Variants in GATA3 observed in about 807,000 individuals in gnomAD.
GATA3 encodes GATA binding protein 3, also known as trans-acting T-cell-specific transcription factor GATA-3.
GATA3 carries 6 observed loss-of-function variants against 36.0 expected under a neutral mutation model. The observed-to-expected ratio is 0.17, with a 90% CI of 0.09 to 0.33. The LOEUF (loss-of-function observed/expected upper bound fraction) is 0.33. Among genes scored for constraint, GATA3 ranks in the 10% least tolerant of loss-of-function variants. GATA3 has a pLI of 1.00. For missense variants in GATA3, 514 were observed against 610.1 expected (o/e 0.84, Z 1.66); for synonymous variants, 326 against 273.0 (o/e 1.19, Z -1.92).
chr10:8,073,093 C>T (rs1030914838), intron 5 of GATA3, among the ~76,000 whole-genome samples: 4 of 146,056 alleles, frequency 2.7e-5, no homozygotes, highest in African/African-American at 7.6e-5. Flanking sequence ...TGCAGTGAGC[C>T]GAGATCGCGC....
At chr10:8,070,354 T>G (rs952510130) in intron 5 of GATA3, among the ~76,000 whole-genome samples, 1 of 152,002 alleles carries the variant, frequency 6.6e-6, no homozygotes, top group African/African-American at 2.4e-5. Context: ...TTTTGTAACA[T>G]ATCTTAATCT....
chr10:8,069,632 G>A (rs546031076), intron 5 of GATA3, 34 bp downstream of exon 5: 25 of 1,612,940 alleles, frequency 1.5e-5, no homozygotes, highest in South Asian at 4.4e-5. Flanking sequence ...AACAGGGCTC[G>A]CTTCCTGATG....
chr10:8,047,132 G>A (rs967303432), intron 1 of GATA3, among the ~76,000 whole-genome samples: 1 of 152,232 alleles, frequency 6.6e-6, no homozygotes, highest in Non-Finnish European at 1.5e-5. Flanking sequence ...GAGAAGGGAT[G>A]GGAGTGGGAA....
chr10:8,061,378 C>A (rs192742980), intron 3 of GATA3, among the ~76,000 whole-genome samples: 2 of 152,280 alleles, frequency 1.3e-5, no homozygotes, highest in East Asian at 3.9e-4. Flanking sequence ...CTCCCACAGC[C>A]TGGTTTAAGG....
chr10:8,049,376 C>T (rs1370933208), upstream of GATA3, among the ~76,000 whole-genome samples: 2 of 152,386 alleles, frequency 1.3e-5, no homozygotes, highest in Admixed American at 1.3e-4. Flanking sequence ...GCCAGCCTTG[C>T]TGGGCCGGGA....
chr10:8,067,284 G>A (rs1305522586), intron 4 of GATA3, among the ~76,000 whole-genome samples: 1 of 152,122 alleles, frequency 6.6e-6, no homozygotes, highest in Non-Finnish European at 1.5e-5. Flanking sequence ...CCTTATGATA[G>A]GCCAGGGCAG....
rs1564403605 is a variant in GATA3 at position 8,069,477 on chromosome 10, C to T, written c.929C>T (p.Ala310Val). ...CTCCTCTCTCCCCACTCTCAGTCTG[C>T]AGCCAGGAGAGCAGGGACGTCCTGT... is the stretch of plus-strand genomic sequence containing the variant. ...PLIKPKRRLS[A>V]ARRAGTSCAN... Residue 310 changes from alanine (A) to valine (V), a missense_variant, in exon 5 of 6, where the codon GCA becomes GTA. By Grantham distance (64) the Ala-to-Val change is moderately conservative. Transcript: ENST00000379328. 1 of 1,613,596 alleles carries T rather than the reference C, an allele frequency of 6.2e-7. No individual in the cohort carries two copies. The highest frequency in any genetic ancestry group is 8.5e-7 in the Non-Finnish European group (1 of 1,179,776).
intron 2 of GATA3, among the ~76,000 whole-genome samples, chr10:8,056,304 C>T (rs924216641): frequency 3.9e-5 from 6 of 152,218 alleles, no homozygotes; most frequent in Non-Finnish European, 5.9e-5. Flanking sequence ...CGGCTGGAAC[C>T]CGGCTCTTCC....
chr10:8,055,569 G>C lies in GATA3; in HGVS notation c.-87G>C, dbSNP rs2131481687. ...ACGACCCCCGACCCTCCGACGGCAG[G>C]AGCCCCCCGACCTCCCAGGCGGACC... On this transcript the variant is annotated 5_prime_UTR_variant, in exon 2 of 6. Coordinates refer to ENST00000379328, the MANE Select transcript of GATA3 (RefSeq NM_001002295.2). The surrounding 1 kb of genome is among the most constrained non-coding windows in gnomAD (Gnocchi z 5.4). 1 of 1,479,124 alleles carries C rather than the reference G, an allele frequency of 6.8e-7. No homozygotes were observed. Among genetic ancestry groups the C allele is most frequent in the South Asian group, 1.3e-5 (1 of 78,218 alleles). The allele number at this position is 1,479,124 out of a possible 1,614,324, so 91.6% of individuals were successfully genotyped here.
rs753158127 is a variant in GATA3 at position 8,064,051 on chromosome 10, C to T, written c.837C>T (p.Gly279=). ...ATSTPLWRRD[G]TGHYLCNACG... ...CGACCCCACTGTGGCGGCGAGATGG[C>T]ACGGGACACTACCTGTGCAACGCCT... The change falls in exon 4 of 6, where the codon GGC becomes GGT. Residue 279 remains glycine, a synonymous_variant. Transcript: ENST00000379328. 2 of 1,614,164 alleles carry T rather than the reference C, an allele frequency of 1.2e-6. No individual in the cohort carries two copies. The highest frequency in any genetic ancestry group is 1.7e-6 in the Non-Finnish European group (2 of 1,180,050).
chr10:8,051,162 G>GGA, upstream of GATA3: 1 of 475,434 alleles, frequency 2.1e-6, no homozygotes, highest in Admixed American at 2.3e-5. Flanking sequence ...GGGCGGGTGG[G>GGA]AGGGACTTGC....
At chr10:8,048,248 C>G (rs1002947524) in intron 1 of GATA3, among the ~76,000 whole-genome samples, 2 of 152,160 alleles carry the variant, frequency 1.3e-5, no homozygotes, top group African/African-American at 4.8e-5. Context: ...AGCTGGGTGG[C>G]TGTGAGGATG....
intron 1 of GATA3, among the ~76,000 whole-genome samples, chr10:8,046,993 C>G (rs1164252325): frequency 6.6e-6 from 1 of 152,112 alleles, no homozygotes; most frequent in Non-Finnish European, 1.5e-5. Flanking sequence ...TCTCTGCCAG[C>G]CCCAGCACTG....
intron 5 of GATA3, 51 bp downstream of exon 5, chr10:8,069,649 A>G (rs1321102751): frequency 1.2e-6 from 2 of 1,606,518 alleles, no homozygotes; most frequent in African/African-American, 1.3e-5. Flanking sequence ...GATGGTGACC[A>G]GCAAACAGCG....
At chr10:8,061,924 A>AG (rs34911251) in intron 3 of GATA3, among the ~76,000 whole-genome samples, 6 of 152,138 alleles carry the variant, frequency 3.9e-5, no homozygotes, top group Non-Finnish European at 8.8e-5. Context: ...GAGGAGCCCG[A>AG]GGGGGTCCCC....
At position 8,055,599 on chromosome 10, in the gene GATA3, TC is replaced by T; in HGVS notation, c.-54del. On this transcript the variant is annotated 5_prime_UTR_variant, in exon 2 of 6. Transcript: ENST00000379328. This position sits in a 1 kb window ranked among gnomAD's most constrained non-coding sequence, Gnocchi z 5.4. ...CCCCGACCTCCCAGGCGGACCGCCCTCCCTCCCCGCGCGCGGGTTCCGGGCC... is the reference window on the plus strand; with the variant it reads ...CCCCGACCTCCCAGGCGGACCGCCCTCCTCCCCGCGCGCGGGTTCCGGGCC... 8.7e-6 allele frequency: 13 copies of T among 1,485,724 alleles called. No homozygotes were observed. The highest frequency in any genetic ancestry group is 1.2e-5 in the Non-Finnish European group (13 of 1,121,632). The allele number at this position is 1,485,724 out of a possible 1,614,324, so 92.0% of individuals were successfully genotyped here.
chr10:8,056,294 C>A (rs968057564), intron 2 of GATA3, among the ~76,000 whole-genome samples: 1 of 151,652 alleles, frequency 6.6e-6, no homozygotes. Context: ...CGGACAAGCA[C>A]GGCTGGAACC....
Sources: gnomAD v4.1 joint callset for allele counts (sites outside exome capture counted in the v4.1 genomes callset) on GRCh38, gnomAD v4.1.1 for gene constraint, Gnocchi (gnomAD v3.1) non-coding constraint, MANE v1.5 for transcripts, NCBI Gene and HGNC (gene_info 2026-07-23, HGNC 2026-07-21) for gene names.